The following SLC1A1 variants were observed in gnomAD, a reference collection of about 807,000 sequenced individuals.
SLC1A1 encodes solute carrier family 1 member 1, also known as excitatory amino acid transporter 3.
SLC1A1 carries 43 observed loss-of-function variants against 53.3 expected under a neutral mutation model. That is an observed-to-expected ratio of 0.81 (90% CI 0.63 to 1.04). The LOEUF (loss-of-function observed/expected upper bound fraction) is 1.04. SLC1A1 is among the 50% of genes least tolerant of loss of function. SLC1A1 has a pLI of 0.00. For synonymous variants in SLC1A1, 307 were observed against 243.2 expected, an observed-to-expected ratio of 1.26 and a Z score of -2.44; for missense variants, 748 against 664.9, an observed-to-expected ratio of 1.12 and a Z score of -1.37.
chr9:4,570,402 G>C (rs926926802), intron 6 of SLC1A1, among the ~76,000 whole-genome samples: 2 of 151,372 alleles, frequency 1.3e-5, no homozygotes, highest in African/African-American at 4.9e-5. Flanking sequence ...GATGGAGTCT[G>C]ACTCTATCGC....
chr9:4,585,154 C>T (rs1329359686), intron 11 of SLC1A1, among the ~76,000 whole-genome samples, 158 bp from the exon 12 acceptor site: 1 of 152,166 alleles, frequency 6.6e-6, no homozygotes, highest in Non-Finnish European at 1.5e-5. Context: ...TATGAACAAC[C>T]CCAGGCCTGT....
chr9:4,533,258 C>T (rs561701083), intron 1 of SLC1A1, among the ~76,000 whole-genome samples: 3 of 152,276 alleles, frequency 2.0e-5, no homozygotes, highest in South Asian at 4.2e-4. Flanking sequence ...AATTAAAAGA[C>T]ACAGACTGGC....
chr9:4,557,234 A>G (rs1818492340), intron 2 of SLC1A1, among the ~76,000 whole-genome samples: 1 of 152,228 alleles, frequency 6.6e-6, no homozygotes, highest in Non-Finnish European at 1.5e-5. Flanking sequence ...AGTGAAGAAT[A>G]AGCTTCAGGC....
chr9:4,507,120 G>A (rs930842550), intron 1 of SLC1A1, among the ~76,000 whole-genome samples: 1 of 152,158 alleles, frequency 6.6e-6, no homozygotes, highest in Non-Finnish European at 1.5e-5. Context: ...TGTAGTCCCA[G>A]CCACTTGGGA....
chr9:4,581,932 T>C (rs1464675905), intron 10 of SLC1A1, among the ~76,000 whole-genome samples: 1 of 152,334 alleles, frequency 6.6e-6, no homozygotes, highest in South Asian at 2.1e-4. Context: ...TCTGGCTTTT[T>C]TTAGCCCCAA....
intron 1 of SLC1A1, among the ~76,000 whole-genome samples, chr9:4,536,591 G>A (rs907864762): frequency 3.3e-5 from 5 of 152,206 alleles, no homozygotes; most frequent in Non-Finnish European, 7.3e-5. Context: ...TTACACTGTT[G>A]GTGGGACTGT....
At chr9:4,540,239 G>A (rs751778024) in intron 1 of SLC1A1, among the ~76,000 whole-genome samples, 3 of 151,956 alleles carry the variant, frequency 2.0e-5, no homozygotes, top group Non-Finnish European at 2.9e-5. Flanking sequence ...AGATTATCCC[G>A]CTCCATCCCC....
chr9:4,502,311 C>T (rs1310736827), intron 1 of SLC1A1, among the ~76,000 whole-genome samples: 2 of 128,984 alleles, frequency 1.6e-5, no homozygotes, highest in African/African-American at 2.9e-5. Context: ...CACTTGAGCC[C>T]GGGAGGTTGA....
intron 1 of SLC1A1, among the ~76,000 whole-genome samples, chr9:4,508,092 G>T (rs1027824562): frequency 6.6e-6 from 1 of 152,120 alleles, no homozygotes; most frequent in African/African-American, 2.4e-5. Context: ...CCAAATATTT[G>T]CCCTGATACT....
At chr9:4,535,790 A>G (rs1002128443) in intron 1 of SLC1A1, among the ~76,000 whole-genome samples, 7 of 152,210 alleles carry the variant, frequency 4.6e-5, no homozygotes, top group East Asian at 3.9e-4. Flanking sequence ...GAGGCATCAC[A>G]CTACCTGACT....
At position 4,494,665 on chromosome 9, in the gene SLC1A1, A is replaced by C. The variant is rs1820350020; in HGVS notation, c.91+3895A>C. ...AATATTTAAATATATAATTTATATA[A>C]ATATAATTTAAGTATGTAAATTCTG... is the stretch of plus-strand genomic sequence containing the variant. On this transcript the variant is annotated intron_variant, in intron 1 of 11. Coordinates refer to ENST00000262352, the MANE Select transcript of SLC1A1 (RefSeq NM_004170.6). 2.6e-5 allele frequency among the ~76,000 whole-genome samples: 4 copies of C among 151,208 alleles called. No homozygotes were observed. The South Asian group carries it at 8.3e-4, about 31-fold the overall frequency.
Position 4,527,855 on chromosome 9 carries a change from T to G in SLC1A1, c.92-16712T>G, listed in dbSNP as rs1167539640. Among the ~76,000 whole-genome samples the G allele has an allele frequency of 1.3e-5, 2 of 152,054 alleles. 1 individual carries two copies. Among genetic ancestry groups the G allele is most frequent in the South Asian group, 4.1e-4 (2 of 4,822 alleles). On this transcript the variant is annotated intron_variant, in intron 1 of 11. Transcript: ENST00000262352. ...GTAAGTCTTCTGAAAAGAAGTGGCA[T>G]CTCAACTTGAACTTTAGAAAATGCA...
At chr9:4,579,996 G>T (rs1253014741) in intron 10 of SLC1A1, among the ~76,000 whole-genome samples, 2 of 152,146 alleles carry the variant, frequency 1.3e-5, no homozygotes, top group African/African-American at 4.8e-5. Context: ...CTAAGTGGGT[G>T]AATCACTTGA....
At chr9:4,496,180 A>C (rs1820411033) in intron 1 of SLC1A1, among the ~76,000 whole-genome samples, 1 of 152,082 alleles carries the variant, frequency 6.6e-6, no homozygotes, top group African/African-American at 2.4e-5. Flanking sequence ...CACAGGAGAA[A>C]CCGGACGTGG....
chr9:4,582,958 G>A (rs1287262734), intron 10 of SLC1A1, 80 bp from the exon 11 acceptor site: 3 of 1,572,934 alleles, frequency 1.9e-6, no homozygotes, highest in East Asian at 2.2e-5. Context: ...TCGGGACTAA[G>A]CGGGAGTAAC....
intron 1 of SLC1A1, among the ~76,000 whole-genome samples, chr9:4,496,352 A>G (rs901204876): frequency 6.6e-6 from 1 of 151,966 alleles, no homozygotes; most frequent in African/African-American, 2.4e-5. Context: ...GAATTCAGAG[A>G]AAGTGGAAGT....
At position 4,585,938 on chromosome 9, in the gene SLC1A1, C is replaced by CGGCGACCACCG; in HGVS notation, c.*380_*381insGGCGACCACCG. 28 of 189,214 alleles carry CGGCGACCACCG rather than the reference C, an allele frequency of 1.5e-4. No homozygotes were observed. Among genetic ancestry groups the CGGCGACCACCG allele is most frequent in the South Asian group, 8.3e-4 (8 of 9,694 alleles). 11.7% of individuals were successfully genotyped at this position (189,214 alleles called of 1,614,324 possible). A position where few individuals can be genotyped will look rare whatever the true frequency, so the allele number is the denominator to read the frequency against. ...AAAAAAAATATTCTGTCATTGGTTACAAATTTTTACTCAGGCTTTCTATTG... is the reference window on the plus strand; with the variant it reads ...AAAAAAAATATTCTGTCATTGGTTACGGCGACCACCGAAATTTTTACTCAGGCTTTCTATTG... On this transcript the variant is annotated 3_prime_UTR_variant, in exon 12 of 12. Coordinates refer to ENST00000262352, the MANE Select transcript of SLC1A1 (RefSeq NM_004170.6).
chr9:4,532,524 A>C (rs1181427669), intron 1 of SLC1A1, among the ~76,000 whole-genome samples: 1 of 152,172 alleles, frequency 6.6e-6, no homozygotes, highest in African/African-American at 2.4e-5. Flanking sequence ...AAAAGAATAA[A>C]AAGAAATGAA....
intron 1 of SLC1A1, among the ~76,000 whole-genome samples, chr9:4,508,898 TGAGCA>T (rs1208329467): frequency 6.6e-6 from 1 of 152,044 alleles, no homozygotes; most frequent in East Asian, 1.9e-4. Flanking sequence ...GGTACAGGAA[TGAGCA>T]GACAAATGCT....
Sources: gnomAD v4.1 joint callset for allele counts (sites outside exome capture counted in the v4.1 genomes callset) on GRCh38, gnomAD v4.1.1 for gene constraint, MANE v1.5 for transcripts, NCBI Gene and HGNC (gene_info 2026-07-23, HGNC 2026-07-21) for gene names.